The following TLN2 variants were observed in gnomAD, a reference collection of about 807,000 sequenced individuals.
TLN2 encodes the protein talin 2, also known as talin-2.
Under a neutral mutation model 294.7 loss-of-function variants are expected in TLN2, and 118 were observed. The ratio of observed to expected loss-of-function variants is 0.40; its 90% CI spans 0.34 to 0.47. The LOEUF (loss-of-function observed/expected upper bound fraction) is 0.47. TLN2 is among the 20% of genes least tolerant of loss of function. TLN2 has a pLI of 0.84. For missense variants in TLN2, 3,083 were observed against 3,282.2 expected (o/e 0.94, Z 1.48); for synonymous variants, 1,431 against 1,304.5 (o/e 1.10, Z -2.09).
intron 1 of TLN2, among the ~76,000 whole-genome samples, chr15:62,483,180 A>C (rs2038203643): frequency 6.6e-6 from 1 of 152,184 alleles, no homozygotes; most frequent in Non-Finnish European, 1.5e-5. Flanking sequence ...TGTTGGTAGG[A>C]AGCACATTTC....
intron 32 of TLN2, among the ~76,000 whole-genome samples, chr15:62,742,740 A>G (rs1355538951): frequency 6.6e-6 from 1 of 152,166 alleles, no homozygotes; most frequent in Non-Finnish European, 1.5e-5. Flanking sequence ...ATCACATGAA[A>G]ATGATTGTCT....
chr15:62,762,465 A>C lies in TLN2; in HGVS notation c.4961+12A>C. ...ATCACTTCTATCAGGTCAGTTTCCC[A>C]TCCGGAGGTTGCTGCCAGCCTGCAT... is the stretch of plus-strand genomic sequence containing the variant. On this transcript the variant is annotated intron_variant, in intron 39 of 58. Transcript: ENST00000636159. 1 of 1,611,260 alleles carries C rather than the reference A, an allele frequency of 6.2e-7. No homozygotes were observed. Among genetic ancestry groups the C allele is most frequent in the East Asian group, 2.2e-5 (1 of 44,816 alleles).
chr15:62,702,429 A>T (rs1474402694), intron 18 of TLN2, among the ~76,000 whole-genome samples: 1 of 152,244 alleles, frequency 6.6e-6, no homozygotes, highest in African/African-American at 2.4e-5. Flanking sequence ...GAGTAGATGC[A>T]GCTACAGGAA....
intron 1 of TLN2, among the ~76,000 whole-genome samples, chr15:62,551,392 C>T (rs917536239): frequency 6.6e-6 from 1 of 152,216 alleles, no homozygotes; most frequent in South Asian, 2.1e-4. Context: ...AGAGTTCAGG[C>T]AGGGCGTGGT....
chr15:62,526,170 C>T (rs2040727990), intron 1 of TLN2, among the ~76,000 whole-genome samples: 1 of 152,244 alleles, frequency 6.6e-6, no homozygotes, highest in East Asian at 1.9e-4. Flanking sequence ...CTCTCTGTCA[C>T]CCAGGCTGGA....
At chr15:62,401,557 G>C (rs1385667727) in intron 1 of TLN2, among the ~76,000 whole-genome samples, 1 of 152,188 alleles carries the variant, frequency 6.6e-6, no homozygotes, top group Non-Finnish European at 1.5e-5. Flanking sequence ...ATCACCTGGA[G>C]GTTCTGATGT....
chr15:62,649,995 C>A, intron 4 of TLN2, 89 bp from the exon 5 acceptor site: 1 of 1,308,420 alleles, frequency 7.6e-7, no homozygotes, highest in Non-Finnish European at 1.1e-6. Flanking sequence ...CACCCACATC[C>A]TTGCTGAGTC....
At chr15:62,462,793 A>G (rs2036879808) in intron 1 of TLN2, among the ~76,000 whole-genome samples, 1 of 152,130 alleles carries the variant, frequency 6.6e-6, no homozygotes, top group South Asian at 2.1e-4. Flanking sequence ...TGCAGGCTGG[A>G]CAGCATCCTC....
chr15:62,764,006 T>C (rs771599150), intron 40 of TLN2, among the ~76,000 whole-genome samples: 3 of 152,308 alleles, frequency 2.0e-5, no homozygotes, highest in Non-Finnish European at 4.4e-5. Flanking sequence ...CGTGTTTGTT[T>C]TAACACATCA....
intron 19 of TLN2, among the ~76,000 whole-genome samples, chr15:62,703,096 C>T (rs1020528563): frequency 4.0e-5 from 6 of 151,260 alleles, no homozygotes; most frequent in Non-Finnish European, 7.4e-5. Flanking sequence ...ACGTATTTAG[C>T]TTTCCTGATT....
At chr15:62,706,658 T>C (rs1177432016) in intron 19 of TLN2, among the ~76,000 whole-genome samples, 1 of 152,184 alleles carries the variant, frequency 6.6e-6, no homozygotes, top group African/African-American at 2.4e-5. Context: ...CAAGTTGCAG[T>C]GGGGCATGAT....
At chr15:62,460,033 G>A (rs1436623790) in intron 1 of TLN2, among the ~76,000 whole-genome samples, 2 of 152,192 alleles carry the variant, frequency 1.3e-5, no homozygotes, top group Non-Finnish European at 2.9e-5. Context: ...TGTAGGCTCT[G>A]AGCAGAGTTG....
intron 9 of TLN2, among the ~76,000 whole-genome samples, chr15:62,666,961 ATTTCTT>A (rs1567302421): frequency 4.6e-5 from 7 of 152,154 alleles, no homozygotes; most frequent in Admixed American, 6.5e-5. Flanking sequence ...GAACACTGGC[ATTTCTT>A]TTTCTTTTTC....
chr15:62,671,035 A>G (rs911588501), intron 9 of TLN2, among the ~76,000 whole-genome samples: 17 of 152,214 alleles, frequency 1.1e-4, no homozygotes, highest in Non-Finnish European at 2.2e-4. Flanking sequence ...CTGGTGGCTA[A>G]TAATGTTGAA....
intron 1 of TLN2, among the ~76,000 whole-genome samples, chr15:62,413,966 G>T (rs1401065525): frequency 9.8e-6 from 1 of 102,058 alleles, no homozygotes; most frequent in Non-Finnish European, 2.0e-5. Context: ...CAGTCTGAGG[G>T]TATGGTAAAT....
At chr15:62,577,265 G>C (rs2044503205) in intron 1 of TLN2, among the ~76,000 whole-genome samples, 1 of 152,128 alleles carries the variant, frequency 6.6e-6, no homozygotes, top group Non-Finnish European at 1.5e-5. Flanking sequence ...CCAACATGGA[G>C]AAACCCCATC....
intron 28 of TLN2, among the ~76,000 whole-genome samples, chr15:62,730,029 C>CTTTTTTTTTTTT (rs11368681): frequency 8.3e-6 from 1 of 121,174 alleles, no homozygotes; most frequent in Admixed American, 9.7e-5. Context: ...TTATTGTTGT[C>CTTTTTTTTTTTT]TTTTTTTTTT....
intron 52 of TLN2, among the ~76,000 whole-genome samples, chr15:62,813,554 G>A (rs910496574): frequency 6.6e-6 from 1 of 152,100 alleles, no homozygotes; most frequent in African/African-American, 2.4e-5. Context: ...ATTGTCAAAA[G>A]TTAGCAACTA....
rs140753187 is a variant in TLN2 at position 62,805,776 on chromosome 15, G to A, written c.6654G>A (p.Thr2218=). Residue 2218 remains threonine (T), a synonymous_variant, in exon 51 of 59, where the codon ACG becomes ACA. Transcript: ENST00000636159. ...GGAAAGCCGTGTCAGATATGTTGAC[G>A]GCTTGCAAGGTAAAGAGCTTGGCAT... The part of the protein sequence containing the change: ...LSRKAVSDML[T]ACKQASFHPD... The A allele has an allele frequency of 4.8e-4, 781 of 1,613,080 alleles. No homozygotes were observed. Among genetic ancestry groups the A allele is most frequent in the Non-Finnish European group, 6.1e-4 (714 of 1,179,240 alleles).
Sources: allele counts gnomAD v4.1 joint callset (sites outside exome capture counted in the v4.1 genomes callset), GRCh38; gene constraint gnomAD v4.1.1; transcripts MANE v1.5; gene names NCBI Gene and HGNC (gene_info 2026-07-23, HGNC 2026-07-21).